Variants in MLIP observed in about 807,000 individuals in gnomAD.
MLIP encodes the protein muscular LMNA interacting protein.
Under a neutral mutation model 84.8 loss-of-function variants are expected in MLIP, and 79 were observed. That is an observed-to-expected ratio of 0.93 (90% confidence interval 0.78 to 1.12). The LOEUF is 1.12. MLIP is among the 50% of genes most tolerant of loss of function. The pLI is 0.00. For synonymous variants in MLIP, 504 were observed against 463.0 expected, an observed-to-expected ratio of 1.09 and a Z score of -1.14; for missense variants, 1,257 against 1,160.6, an observed-to-expected ratio of 1.08 and a Z score of -1.21.
upstream of MLIP, chr6:54,111,380 G>T: frequency 6.8e-7 from 1 of 1,480,138 alleles, no homozygotes; most frequent in Non-Finnish European, 8.9e-7. Context: ...CCTCTTTTTA[G>T]AATTTCTTCT....
intron 12 of MLIP, among the ~76,000 whole-genome samples, chr6:54,256,155 A>G (rs1423706068): frequency 6.6e-6 from 1 of 152,168 alleles, no homozygotes; most frequent in Non-Finnish European, 1.5e-5. Flanking sequence ...AGGATTTTAT[A>G]GTTGGGAACA....
rs1169520577 is a variant in MLIP, at chr6:54,098,573, AAC to A, written c.64-22872_64-22871del. On this transcript the variant is annotated intron_variant, in intron 1 of 12. Transcript: ENST00000274897. ...GACTTTCTTGAAGATGAAAGGGACA[AAC>A]AATATTTACAACACCGAAGTTCAGG... 9.2e-5 allele frequency among the ~76,000 whole-genome samples: 14 copies of A among 152,078 alleles called. No homozygotes were observed. The South Asian group carries it at 2.9e-3, about 32-fold the overall frequency.
At chr6:54,184,949 T>C (rs1202875962) in intron 9 of MLIP, among the ~76,000 whole-genome samples, 1 of 152,238 alleles carries the variant, frequency 6.6e-6, no homozygotes, top group South Asian at 2.1e-4. Context: ...ATATGAATGA[T>C]CAAAATTTTA....
intron 12 of MLIP, among the ~76,000 whole-genome samples, chr6:54,234,019 C>G (rs951035535): frequency 6.6e-6 from 1 of 152,124 alleles, no homozygotes; most frequent in Non-Finnish European, 1.5e-5. Flanking sequence ...CTGTTCATAT[C>G]CTTTGCCCAC....
intron 1 of MLIP, among the ~76,000 whole-genome samples, chr6:54,098,122 A>C (rs1768346160): frequency 6.7e-6 from 1 of 150,258 alleles, no homozygotes; most frequent in Non-Finnish European, 1.5e-5. Context: ...AGGATGCCGA[A>C]TGTTAAGTCT....
intron 1 of MLIP, among the ~76,000 whole-genome samples, 161 bp from the exon 2 acceptor site, chr6:54,121,286 T>C (rs1393143172): frequency 1.3e-5 from 2 of 152,230 alleles, no homozygotes; most frequent in Admixed American, 6.5e-5. Flanking sequence ...TGATTCTTTA[T>C]AACCATTTTT....
intron 12 of MLIP, among the ~76,000 whole-genome samples, chr6:54,246,641 T>C (rs1164878085): frequency 2.0e-5 from 3 of 152,166 alleles, no homozygotes; most frequent in African/African-American, 7.2e-5. Context: ...ATTATCACAT[T>C]TTTCATAACT....
chr6:54,118,405 G>T (rs1433739383), intron 1 of MLIP, among the ~76,000 whole-genome samples: 1 of 152,206 alleles, frequency 6.6e-6, no homozygotes, highest in Admixed American at 6.5e-5. Context: ...TTTGATAAAG[G>T]TGCCAAGAAC....
chr6:54,168,164 G>A (rs2150585618), intron 8 of MLIP, among the ~76,000 whole-genome samples: 1 of 151,856 alleles, frequency 6.6e-6, no homozygotes, highest in African/African-American at 2.4e-5. Context: ...AACATTCTCA[G>A]AGGAGAAAAT....
chr6:54,098,181 G>A (rs1455174864), intron 1 of MLIP, among the ~76,000 whole-genome samples: 2 of 146,078 alleles, frequency 1.4e-5, no homozygotes, highest in Non-Finnish European at 3.0e-5. Context: ...TTAGAGACGG[G>A]ATCTCAAAAT....
intron 4 of MLIP, among the ~76,000 whole-genome samples, chr6:54,140,336 T>C (rs1411550900): frequency 6.6e-6 from 1 of 152,304 alleles, no homozygotes; most frequent in East Asian, 1.9e-4. Flanking sequence ...GGCATATTTA[T>C]TGAAGACCTA....
At chr6:54,151,968 G>A (rs1773492470) in intron 5 of MLIP, among the ~76,000 whole-genome samples, 1 of 151,978 alleles carries the variant, frequency 6.6e-6, no homozygotes, top group Non-Finnish European at 1.5e-5. Flanking sequence ...GGGAACATGA[G>A]GTTTCTGGTA....
intron 12 of MLIP, among the ~76,000 whole-genome samples, chr6:54,251,815 CAG>C (rs1257363000): frequency 1.3e-5 from 1 of 79,786 alleles, no homozygotes; most frequent in African/African-American, 5.4e-5. Flanking sequence ...TATATTATAA[CAG>C]ATAATATAAA....
chr6:54,059,494 A>G (rs1765844633), intron 1 of MLIP, among the ~76,000 whole-genome samples: 1 of 152,178 alleles, frequency 6.6e-6, no homozygotes, highest in Non-Finnish European at 1.5e-5. Context: ...GGAAATATTC[A>G]ATAAATAGGA....
At chr6:54,112,443 A>G (rs1769545011) in intron 1 of MLIP, among the ~76,000 whole-genome samples, 1 of 152,192 alleles carries the variant, frequency 6.6e-6, no homozygotes, top group African/African-American at 2.4e-5. Flanking sequence ...TGCTAGGTAA[A>G]GGTGGTGAAA....
chr6:54,236,316 AAAAGC>A lies in MLIP; in HGVS notation c.2922+5400_2922+5404del, dbSNP rs1338066562. On this transcript the variant is annotated intron_variant, in intron 12 of 13. Transcript: ENST00000502396. ...CATGCTGTAAACAATTGTCCTTTTT[AAAAGC>A]CAGGTGCGGTGGCTCACGCCTGTAA... is the stretch of plus-strand genomic sequence containing the variant. 2.6e-5 allele frequency among the ~76,000 whole-genome samples: 4 copies of A among 152,188 alleles called. No homozygotes were observed. The East Asian group carries it at 7.7e-4, about 29-fold the overall frequency.
rs75565500 is a variant in MLIP, at chr6:54,199,163, T to G, written c.2590-2942T>G. ...AAACTACAGGAGCTTTGTTTTTGAT[T>G]AGACAGGATAAGTTACAGAGAGGTG... On this transcript the variant is annotated intron_variant, in intron 10 of 13. Coordinates refer to ENST00000502396, the MANE Select transcript of MLIP (RefSeq NM_001281747.2). Among the ~76,000 whole-genome samples, 92 of 152,248 alleles carry G rather than the reference T, an allele frequency of 6.0e-4. 1 individual carries two copies. In the East Asian group the frequency reaches 0.018, roughly 29 times the overall value.
At chr6:54,086,268 A>G (rs1163651879) in intron 1 of MLIP, among the ~76,000 whole-genome samples, 1 of 152,142 alleles carries the variant, frequency 6.6e-6, no homozygotes, top group Non-Finnish European at 1.5e-5. Flanking sequence ...TTTAAATTCT[A>G]GGCTCATATA....
chr6:54,238,095 A>T (rs1781487878), intron 12 of MLIP, among the ~76,000 whole-genome samples: 1 of 152,108 alleles, frequency 6.6e-6, no homozygotes, highest in South Asian at 2.1e-4. Context: ...CATGTACAAC[A>T]CACCTGTTTA....
Sources: gnomAD v4.1 joint callset for allele counts (sites outside exome capture counted in the v4.1 genomes callset) on GRCh38, gnomAD v4.1.1 for gene constraint, MANE v1.5 for transcripts, NCBI Gene and HGNC (gene_info 2026-07-23, HGNC 2026-07-21) for gene names.